SV2B: variants seen among roughly 807,000 people sequenced by gnomAD.
SV2B encodes the protein synaptic vesicle glycoprotein 2B.
Under a neutral mutation model 73.9 loss-of-function variants are expected in SV2B, and 41 were observed. The observed-to-expected ratio is 0.56, with a 90% CI of 0.43 to 0.72. SV2B has a LOEUF of 0.72. SV2B is among the 30% of genes least tolerant of loss of function. The pLI, the probability that SV2B is intolerant of heterozygous loss-of-function variation, is 0.00. For missense variants in SV2B, 764 were observed against 857.8 expected, an observed-to-expected ratio of 0.89 and a Z score of 1.37; for synonymous variants, 314 against 314.2, an observed-to-expected ratio of 1.00 and a Z score of 0.01.
At chr15:91,166,915 G>A (rs1372344632) in intron 1 of SV2B, among the ~76,000 whole-genome samples, 3 of 151,526 alleles carry the variant, frequency 2.0e-5, no homozygotes, top group Non-Finnish European at 4.4e-5. Flanking sequence ...CTGGGTTCAC[G>A]CCATTCTCCT....
chr15:91,262,981 A>G (rs991596476), intron 6 of SV2B, among the ~76,000 whole-genome samples: 6 of 152,208 alleles, frequency 3.9e-5, no homozygotes, highest in African/African-American at 1.4e-4. Flanking sequence ...AGATGTTTCC[A>G]TGGTCTTCTG....
At chr15:91,119,486 T>C (rs8034560) in intron 1 of SV2B, among the ~76,000 whole-genome samples, 76,737 of 152,086 alleles carry the variant, frequency 0.5, 20,386 homozygotes, top group Middle Eastern at 0.59. Context: ...GCGTTTGCCA[T>C]GGATTTGGAA....
In SV2B at chr15:91,235,242, A is replaced by G. The variant is rs1037541399; in HGVS notation, c.451+8528A>G. ...AATTGAGGTTTTTATGTAGGCCTTAAAGACATTTCTGCTATAAGCACCATT... is the reference window on the plus strand; with the variant it reads ...AATTGAGGTTTTTATGTAGGCCTTAGAGACATTTCTGCTATAAGCACCATT... On this transcript the variant is annotated intron_variant, in intron 2 of 12. Coordinates refer to ENST00000394232, the MANE Select transcript of SV2B (RefSeq NM_001323032.3). 3.3e-5 allele frequency among the ~76,000 whole-genome samples: 5 copies of G among 152,338 alleles called. No individual in the cohort carries two copies. In the East Asian group the frequency reaches 7.7e-4, roughly 23 times the overall value.
At chr15:91,174,105 G>T (rs1347200486) in intron 1 of SV2B, among the ~76,000 whole-genome samples, 4 of 152,172 alleles carry the variant, frequency 2.6e-5, no homozygotes, top group Admixed American at 2.6e-4. Context: ...ATACCAAACA[G>T]GTTTCTGAAG....
chr15:91,156,731 G>GAA (rs1273380547), intron 1 of SV2B, among the ~76,000 whole-genome samples: 2 of 152,170 alleles, frequency 1.3e-5, no homozygotes. Context: ...AATTTAGAGT[G>GAA]AAAACCAAAA....
At chr15:91,287,285 A>T (rs1403316989) in intron 11 of SV2B, among the ~76,000 whole-genome samples, 1 of 151,960 alleles carries the variant, frequency 6.6e-6, no homozygotes, top group African/African-American at 2.4e-5. Context: ...GGTGTTTCTT[A>T]TTGAGGCCAG....
rs1418681304 is a variant in SV2B, at chr15:91,258,173, G to A, written c.785-248G>A. Among the ~76,000 whole-genome samples, 3 of 152,182 alleles carry A rather than the reference G, an allele frequency of 2.0e-5. No individual in the cohort carries two copies. Among genetic ancestry groups the A allele is most frequent in the Non-Finnish European group, 2.9e-5 (2 of 68,014 alleles). ...GGATTTGTCAGAATGCAGAATTCCT[G>A]GGGATTTGTCAGAATGCAGAATTTG... On this transcript the variant is annotated intron_variant, in intron 4 of 12. Coordinates refer to ENST00000394232, the MANE Select transcript of SV2B (RefSeq NM_001323032.3). The surrounding 1 kb of genome is among the most constrained non-coding windows in gnomAD (Gnocchi z 4.7).
intron 1 of SV2B, among the ~76,000 whole-genome samples, chr15:91,222,949 C>T (rs1314567023): frequency 1.3e-5 from 2 of 152,062 alleles, no homozygotes; most frequent in Non-Finnish European, 2.9e-5. Context: ...TATTCGTTTC[C>T]TGGGCCTGTC....
Position 91,284,256 on chromosome 15 carries a change from C to T in SV2B, c.1708+35C>T, listed in dbSNP as rs373867341. Reference sequence around the variant, plus strand: ...CAGCAGGGTCATTCCTGGGTTCCAACGCGCTGGGGTGGTGACTTTCAAGTG... The same window carrying T: ...CAGCAGGGTCATTCCTGGGTTCCAATGCGCTGGGGTGGTGACTTTCAAGTG... On this transcript the variant is annotated intron_variant, in intron 11 of 12. Coordinates refer to ENST00000394232, the MANE Select transcript of SV2B (RefSeq NM_001323032.3). The surrounding 1 kb of genome is among the most constrained non-coding windows in gnomAD (Gnocchi z 4.5). 1.1e-4 allele frequency: 180 copies of T among 1,607,982 alleles called. No individual in the cohort carries two copies. The Middle Eastern group carries it at 7.1e-3, about 64-fold the overall frequency.
At chr15:91,212,894 A>T (rs1243041368) in intron 1 of SV2B, among the ~76,000 whole-genome samples, 1 of 151,988 alleles carries the variant, frequency 6.6e-6, no homozygotes, top group Non-Finnish European at 1.5e-5. Context: ...TAATCCCAGC[A>T]CTAAGGTAGC....
At position 91,283,068 on chromosome 15, in the gene SV2B, AATTTTGTAG is replaced by A. The variant is rs1025707190; in HGVS notation, c.1508-943_1508-935del. Among the ~76,000 whole-genome samples, 14 of 152,164 alleles carry A rather than the reference AATTTTGTAG, an allele frequency of 9.2e-5. No homozygotes were observed. The highest frequency in any genetic ancestry group is 3.1e-4 in the African/African-American group (13 of 41,434). ...TGGAGATGATCATGTGCACTCTTCC[AATTTTGTAG>A]ATTTTGTAGGTAGAGCCTCAGGGAG... On this transcript the variant is annotated intron_variant, in intron 10 of 12. Coordinates refer to ENST00000394232, the MANE Select transcript of SV2B (RefSeq NM_001323032.3). The surrounding 1 kb of genome is among the most constrained non-coding windows in gnomAD (Gnocchi z 4.3).
Position 91,226,185 on chromosome 15 carries a change from T to C in SV2B, c.-79T>C, listed in dbSNP as rs1379651270. 2.2e-6 allele frequency: 3 copies of C among 1,358,602 alleles called. No homozygotes were observed. The highest frequency in any genetic ancestry group is 3.1e-6 in the Non-Finnish European group (3 of 974,854). The allele number at this position is 1,358,602 out of a possible 1,614,324, so 84.2% of individuals were successfully genotyped here. A position where few individuals can be genotyped will look rare whatever the true frequency, so the allele number is the denominator to read the frequency against. On this transcript the variant is annotated 5_prime_UTR_variant, in exon 2 of 13. Transcript: ENST00000394232. ...ATTTGAACTACATAATGAATGATGG[T>C]TATTGAAATAGCCCAAACCTCTACC...
chr15:91,278,559 G>A (rs1162373344), intron 9 of SV2B, among the ~76,000 whole-genome samples: 2 of 147,082 alleles, frequency 1.4e-5, no homozygotes, highest in African/African-American at 2.6e-5. Context: ...GGTGCCTGTA[G>A]TCCCAGCTAC....
chr15:91,111,102 C>T (rs987805933), intron 1 of SV2B, among the ~76,000 whole-genome samples: 4 of 152,008 alleles, frequency 2.6e-5, no homozygotes, highest in Non-Finnish European at 4.4e-5. Flanking sequence ...GGCTCCCACC[C>T]TCATATCACA....
rs77509221 is a variant in SV2B, at chr15:91,127,565, A to G, written c.-392+27202A>G. Among the ~76,000 whole-genome samples the G allele has an allele frequency of 6.2e-3, 941 of 152,230 alleles. 10 individuals carry two copies. The highest frequency in any genetic ancestry group is 0.021 in the African/African-American group (888 of 41,514). On this transcript the variant is annotated intron_variant, in intron 1 of 12. Coordinates refer to ENST00000394232, the MANE Select transcript of SV2B (RefSeq NM_001323032.3). ...CACTGTCCTGATTTCGGGAAAGAAA[A>G]GCTCTTTCTATTGAACAAATAACCT...
At chr15:91,102,263 A>G (rs1295668386) in intron 1 of SV2B, 1 of 152,210 alleles carries the variant, frequency 6.6e-6, no homozygotes, top group African/African-American at 2.4e-5. Context: ...TCATTAAGGT[A>G]TTTGAAAAGC....
At chr15:91,233,101 A>G (rs7183676) in intron 2 of SV2B, among the ~76,000 whole-genome samples, 56,805 of 151,910 alleles carry the variant, frequency 0.37, 14,600 homozygotes, top group African/African-American at 0.73. Context: ...TCTTTATCCA[A>G]TCCCCCGTTG....
chr15:91,277,438 T>C (rs2048530467), intron 9 of SV2B, among the ~76,000 whole-genome samples: 1 of 152,218 alleles, frequency 6.6e-6, no homozygotes, highest in African/African-American at 2.4e-5. Flanking sequence ...ACAAGCAAGA[T>C]ACAGGACAAT....
At chr15:91,228,199 C>G (rs2046447162) in intron 2 of SV2B, among the ~76,000 whole-genome samples, 1 of 152,104 alleles carries the variant, frequency 6.6e-6, no homozygotes, top group African/African-American at 2.4e-5. Context: ...ATGATTAGAA[C>G]TGTGTCAGAT....
Sources: allele counts gnomAD v4.1 joint callset (sites outside exome capture counted in the v4.1 genomes callset), GRCh38; gene constraint gnomAD v4.1.1; non-coding constraint Gnocchi (gnomAD v3.1); transcripts MANE v1.5; gene names NCBI Gene and HGNC (gene_info 2026-07-23, HGNC 2026-07-21).